PHLDB2: variants seen among roughly 807,000 people sequenced by gnomAD.
The protein encoded by PHLDB2 is pleckstrin homology like domain family B member 2, also known as pleckstrin homology-like domain family B member 2.
A neutral mutation model predicts 123.6 loss-of-function variants in PHLDB2; 71 were observed. That is an observed-to-expected ratio of 0.57 (90% CI 0.47 to 0.70). PHLDB2 has a LOEUF of 0.70. Among genes scored for constraint, PHLDB2 ranks in the 30% least tolerant of loss-of-function variants. The pLI is 0.00. For synonymous variants in PHLDB2, 547 were observed against 541.6 expected, an observed-to-expected ratio of 1.01 and a Z score of -0.14; for missense variants, 1,446 against 1,519.5, an observed-to-expected ratio of 0.95 and a Z score of 0.80.
chr3:111,817,679 C>T (rs901396693), intron 1 of PHLDB2, among the ~76,000 whole-genome samples: 1 of 152,092 alleles, frequency 6.6e-6, no homozygotes, highest in African/African-American at 2.4e-5. Flanking sequence ...TACTTAGGAC[C>T]GTGGTTCCCC....
chr3:111,887,773 T>C (rs1441934580), intron 2 of PHLDB2, among the ~76,000 whole-genome samples: 1 of 152,186 alleles, frequency 6.6e-6, no homozygotes, highest in Non-Finnish European at 1.5e-5. Flanking sequence ...CATGAAGTCA[T>C]CTATTTCTAG....
Position 111,859,449 on chromosome 3 carries a change from G to A in PHLDB2, c.-142G>A, listed in dbSNP as rs540685883. On this transcript the variant is annotated 5_prime_UTR_variant, in exon 1 of 18. Transcript: ENST00000431670. ...GGTTACAAAGGGGGTCAAGAGTGCC[G>A]GACCCAGCCGCGCGGAGCCCACCAT... 1.1e-5 allele frequency: 11 copies of A among 985,540 alleles called. No homozygotes were observed. The Admixed American group carries it at 5.5e-4, about 49-fold the overall frequency. The allele number at this position is 985,540 out of a possible 1,614,324, so 61.0% of individuals were successfully genotyped here. A position where few individuals can be genotyped will look rare whatever the true frequency, so the allele number is the denominator to read the frequency against.
rs1182458090 is a variant in PHLDB2, at chr3:111,831,015, A to AAG, written c.-48-14804_-48-14803dup. ...AAAGAAAGAAAGAAAGAAAGAAAGAAAGAAAGAAAGAAAGAAAGGAAGGAA... is the reference window on the plus strand; with the variant it reads ...AAAGAAAGAAAGAAAGAAAGAAAGAAAGAGAAAGAAAGAAAGAAAGGAAGGAA... On this transcript the variant is annotated intron_variant, in intron 1 of 17. Transcript: ENST00000393923. Among the ~76,000 whole-genome samples, 7 of 128,694 alleles carry AAG rather than the reference A, an allele frequency of 5.4e-5. 1 individual carries two copies. Among genetic ancestry groups the AAG allele is most frequent in the African/African-American group, 2.0e-4 (7 of 34,732 alleles). The allele number at this position is 128,694 out of a possible 152,430, so 84.4% of individuals were successfully genotyped here. A position where few individuals can be genotyped will look rare whatever the true frequency, so the allele number is the denominator to read the frequency against.
chr3:111,929,283 A>G (rs1559908391), intron 5 of PHLDB2, among the ~76,000 whole-genome samples: 2 of 151,736 alleles, frequency 1.3e-5, no homozygotes, highest in Non-Finnish European at 2.9e-5. Flanking sequence ...TTTTTAATTC[A>G]TTTTTTTTCC....
chr3:111,819,807 C>T (rs941787833), intron 1 of PHLDB2, among the ~76,000 whole-genome samples: 2 of 152,018 alleles, frequency 1.3e-5, no homozygotes, highest in African/African-American at 2.4e-5. Context: ...ATCTGTTTAC[C>T]CCAAAGACAA....
At chr3:111,874,169 CCAAT>C (rs552300543) in intron 1 of PHLDB2, among the ~76,000 whole-genome samples, 337 of 152,210 alleles carry the variant, frequency 2.2e-3, no homozygotes, top group African/African-American at 7.8e-3. Flanking sequence ...TTGAATAATA[CCAAT>C]CAGATTCCCT....
At chr3:111,924,214 T>G (rs113691683) in intron 5 of PHLDB2, among the ~76,000 whole-genome samples, 19 of 152,356 alleles carry the variant, frequency 1.2e-4, no homozygotes, top group African/African-American at 3.6e-4. Context: ...CTCCTAGACC[T>G]TTCCAGTTCG....
At chr3:111,782,697 T>G (rs1161997254) in intron 1 of PHLDB2, among the ~76,000 whole-genome samples, 1 of 152,096 alleles carries the variant, frequency 6.6e-6, no homozygotes, top group Non-Finnish European at 1.5e-5. Flanking sequence ...TGGGTACTTA[T>G]CAGGCACAGC....
chr3:111,764,429 T>A (rs186030374), intron 1 of PHLDB2, among the ~76,000 whole-genome samples: 35 of 152,352 alleles, frequency 2.3e-4, no homozygotes, highest in African/African-American at 7.5e-4. Flanking sequence ...TATATTTTTC[T>A]GTCTCCTGTG....
intron 1 of PHLDB2, among the ~76,000 whole-genome samples, chr3:111,872,522 A>G (rs1306604290): frequency 2.6e-5 from 4 of 152,044 alleles, no homozygotes; most frequent in Non-Finnish European, 5.9e-5. Flanking sequence ...GCAGTCTCTG[A>G]TGTGTGCAAT....
Position 111,948,975 on chromosome 3 carries a change from C to G in PHLDB2, c.2531C>G (p.Ser844Cys), listed in dbSNP as rs1346684376. 6.8e-6 allele frequency: 11 copies of G among 1,613,950 alleles called. No individual in the cohort carries two copies. The highest frequency in any genetic ancestry group is 1.7e-5 in the Admixed American group (1 of 60,022). ...VNEINEPCGN[S>C]TNLSPSTQFP... is the part of the protein sequence containing the mutation. ...GAGATTAATGAGCCGTGTGGCAATT[C>G]CACGAATCTATCCCCTTCCACTCAG... is the stretch of plus-strand genomic sequence containing the variant. The change falls in exon 10 of 18, where the codon TCC becomes TGC. Residue 844 changes from serine (S) to cysteine (C), a missense_variant. Physicochemically the swap from Ser to Cys is moderately radical, Grantham distance 112. Transcript: ENST00000431670.
chr3:111,775,082 T>C (rs1410528361), intron 1 of PHLDB2, among the ~76,000 whole-genome samples: 2 of 152,174 alleles, frequency 1.3e-5, no homozygotes, highest in East Asian at 3.8e-4. Flanking sequence ...ATCATAGCTA[T>C]CAATCAGTGA....
chr3:111,846,202 G>A (rs1171321512), intron 2 of PHLDB2: 1 of 353,874 alleles, frequency 2.8e-6, no homozygotes, highest in East Asian at 5.3e-5. Flanking sequence ...AGCTGGTGTG[G>A]AGGTCTTTCC....
At chr3:111,864,112 T>G (rs983556317) in intron 1 of PHLDB2, among the ~76,000 whole-genome samples, 1 of 152,160 alleles carries the variant, frequency 6.6e-6, no homozygotes, top group East Asian at 1.9e-4. Context: ...AGGGTGCACC[T>G]CAAAGCCAAG....
At chr3:111,859,987 G>T in intron 1 of PHLDB2, 2 of 823,550 alleles carry the variant, frequency 2.4e-6, no homozygotes, top group African/African-American at 3.7e-5. Context: ...GGTGGGTGGG[G>T]GTGGCGAACC....
intron 2 of PHLDB2, among the ~76,000 whole-genome samples, chr3:111,887,319 G>A (rs750513727): frequency 2.6e-5 from 4 of 152,094 alleles, no homozygotes; most frequent in Non-Finnish European, 4.4e-5. Context: ...TTAATAGTGG[G>A]CGTATCGTAT....
intron 1 of PHLDB2, among the ~76,000 whole-genome samples, chr3:111,835,713 T>C (rs990986947): frequency 6.6e-5 from 10 of 152,148 alleles, no homozygotes; most frequent in Non-Finnish European, 1.5e-4. Context: ...TCATCTGAAA[T>C]CTTACTCACT....
chr3:111,746,624 G>T (rs1424872738), intron 1 of PHLDB2, among the ~76,000 whole-genome samples: 1 of 152,122 alleles, frequency 6.6e-6, no homozygotes, highest in Non-Finnish European at 1.5e-5. Context: ...AATTAGCTGG[G>T]TGTGGTGGCA....
intron 2 of PHLDB2, among the ~76,000 whole-genome samples, chr3:111,898,213 T>C (rs2066990314): frequency 6.6e-6 from 1 of 151,670 alleles, no homozygotes; most frequent in Admixed American, 6.6e-5. Flanking sequence ...TGTGTCTTGC[T>C]CTGTCTCCCA....
Sources: gnomAD v4.1 joint callset for allele counts (sites outside exome capture counted in the v4.1 genomes callset) on GRCh38, gnomAD v4.1.1 for gene constraint, MANE v1.5 for transcripts, NCBI Gene and HGNC (gene_info 2026-07-23, HGNC 2026-07-21) for gene names.